The following OVCH1 variants were observed in gnomAD, a reference collection of about 807,000 sequenced individuals.
OVCH1 encodes ovochymase-1.
A neutral mutation model predicts 138.4 loss-of-function variants in OVCH1; 139 were observed. That is an observed-to-expected ratio of 1.00 (90% CI 0.87 to 1.16). The LOEUF is 1.16. Among genes scored for constraint, OVCH1 ranks in the 50% most tolerant of loss-of-function variants. The pLI is 0.00. For synonymous variants in OVCH1, 453 were observed against 467.8 expected (o/e 0.97, Z 0.41); for missense variants, 1,367 against 1,357.9 (o/e 1.01, Z -0.11).
chr12:29,433,694 T>C (rs771688311), intron 27 of OVCH1: 110 of 1,383,660 alleles, frequency 7.9e-5, no homozygotes, highest in Non-Finnish European at 1.0e-4. Flanking sequence ...TGAATAATTC[T>C]CGGTTTAAAT....
At chr12:29,434,748 G>T (rs916517903) in intron 26 of OVCH1, among the ~76,000 whole-genome samples, 1 of 151,834 alleles carries the variant, frequency 6.6e-6, no homozygotes, top group Non-Finnish European at 1.5e-5. Context: ...TCAAGACAAA[G>T]ATTATTGAGC....
In OVCH1 at chr12:29,462,488, C is replaced by T. The variant is rs541091584; in HGVS notation, c.2126-480G>A. ...GTTCTTCATCTACTGTCATTGAAGCCTAATCGCATCTCCAATTAAAGATAA... is the reference window on the plus strand; with the variant it reads ...GTTCTTCATCTACTGTCATTGAAGCTTAATCGCATCTCCAATTAAAGATAA... On this transcript the variant is annotated intron_variant, in intron 18 of 27. Coordinates refer to ENST00000318184, the Ensembl canonical transcript of OVCH1. Among the ~76,000 whole-genome samples the T allele has an allele frequency of 5.3e-4, 80 of 150,482 alleles. 3 individuals are homozygous for T. The South Asian group carries it at 0.016, about 30-fold the overall frequency.
At chr12:29,483,558 A>T (rs1323453655) in intron 8 of OVCH1, among the ~76,000 whole-genome samples, 1 of 152,124 alleles carries the variant, frequency 6.6e-6, no homozygotes, top group African/African-American at 2.4e-5. Context: ...CTCTGCATGG[A>T]ACTCAAGGTC....
At chr12:29,465,293 G>T in intron 16 of OVCH1, 74 bp from the exon 17 acceptor site, 1 of 1,246,110 alleles carries the variant, frequency 8.0e-7, no homozygotes, top group South Asian at 1.4e-5. Context: ...CTGCTATAAA[G>T]GACTCTGAGA....
chr12:29,458,464 C>G (rs557204291), intron 19 of OVCH1, among the ~76,000 whole-genome samples: 1 of 152,088 alleles, frequency 6.6e-6, no homozygotes, highest in South Asian at 2.1e-4. Flanking sequence ...GAAAGTAGTT[C>G]CCTATTCCTC....
chr12:29,485,609 CT>C (rs1292444269), intron 8 of OVCH1, among the ~76,000 whole-genome samples: 1 of 152,004 alleles, frequency 6.6e-6, no homozygotes, highest in Non-Finnish European at 1.5e-5. Flanking sequence ...CACGTCTCTA[CT>C]AAAAATGCAA....
chr12:29,454,659 G>A (rs1592059294), intron 21 of OVCH1, among the ~76,000 whole-genome samples, 182 bp downstream of exon 21: 1 of 152,052 alleles, frequency 6.6e-6, no homozygotes, highest in African/African-American at 2.4e-5. Context: ...TCTAGCTTTG[G>A]GGTAGGAATG....
At chr12:29,427,755 A>T (rs1195736619) in intron 27 of OVCH1, 1 of 1,440,244 alleles carries the variant, frequency 6.9e-7, no homozygotes. Flanking sequence ...GGAGAGTAGC[A>T]ACAGGGGTCT....
chr12:29,405,028 A>AAAAAAAAAAAAC, the OVCH1 span, among the ~76,000 whole-genome samples: 1 of 80,036 alleles, frequency 1.2e-5, no homozygotes, highest in African/African-American at 5.0e-5. Context: ...CCTCAAAAAA[A>AAAAAAAAAAAAC]AAAAAAAAAA....
In OVCH1 at chr12:29,438,354, A is replaced by G. The variant is rs1592038582; in HGVS notation, c.3264+974T>C. On this transcript the variant is annotated intron_variant, in intron 26 of 27. Transcript: ENST00000318184. ...GTTTTAGAGTATACTTTAATATCTG[A>G]TAGAGCAATTCTACCTTAACCATTT... Among the ~76,000 whole-genome samples the G allele has an allele frequency of 2.0e-5, 3 of 152,210 alleles. No individual in the cohort carries two copies. In the South Asian group the frequency reaches 6.2e-4, roughly 32 times the overall value.
chr12:29,402,314 C>T, the OVCH1 span, among the ~76,000 whole-genome samples: 1 of 152,138 alleles, frequency 6.6e-6, no homozygotes, highest in African/African-American at 2.4e-5. Flanking sequence ...TTCATTTTTC[C>T]TCAGTGTTCC....
chr12:29,425,411 A>G (rs945812445), downstream of OVCH1, among the ~76,000 whole-genome samples: 1 of 152,222 alleles, frequency 6.6e-6, no homozygotes, highest in Admixed American at 6.5e-5. Flanking sequence ...AATCCAAAAC[A>G]TATAATGCTC....
chr12:29,456,921 A>G (rs1186221931), intron 19 of OVCH1, among the ~76,000 whole-genome samples: 1 of 152,236 alleles, frequency 6.6e-6, no homozygotes, highest in African/African-American at 2.4e-5. Context: ...TTTTGCAGGA[A>G]GTGGATGAAC....
intron 3 of OVCH1, among the ~76,000 whole-genome samples, chr12:29,415,277 T>C (rs1220293948): frequency 6.6e-6 from 1 of 152,106 alleles, no homozygotes. Flanking sequence ...GGGGGAACGT[T>C]TGTAATGACG....
At chr12:29,407,521 A>G (rs994163554), downstream of OVCH1, among the ~76,000 whole-genome samples, 7 of 150,028 alleles carry the variant, frequency 4.7e-5, 1 homozygote, top group Admixed American at 2.0e-4. Context: ...AGCTTTCTCC[A>G]TATGGCTAGC....
chr12:29,486,787 A>T (rs1943120632), intron 7 of OVCH1: 4 of 376,518 alleles, frequency 1.1e-5, no homozygotes, highest in Non-Finnish European at 1.1e-5. Flanking sequence ...TTTCACTGAA[A>T]TGAACCATTA....
At chr12:29,462,062 G>A (rs1262352160) in intron 18 of OVCH1, 54 bp from the exon 19 acceptor site, 1 of 1,560,088 alleles carries the variant, frequency 6.4e-7, no homozygotes, top group African/African-American at 1.4e-5. Flanking sequence ...AGAAAGTGTT[G>A]TTAGAAATGT....
chr12:29,468,145 G>GTT (rs1283443713), intron 16 of OVCH1, among the ~76,000 whole-genome samples: 4 of 152,076 alleles, frequency 2.6e-5, no homozygotes, highest in Non-Finnish European at 4.4e-5. Context: ...ATGCATGTAC[G>GTT]TTTAAATATT....
intron 8 of OVCH1, among the ~76,000 whole-genome samples, chr12:29,481,377 T>C (rs55937303): frequency 0.08 from 12,246 of 152,204 alleles, 498 homozygotes; most frequent in African/African-American, 0.086. Flanking sequence ...AAATAGATGC[T>C]AATACTCATT....
Sources: allele counts gnomAD v4.1 joint callset (sites outside exome capture counted in the v4.1 genomes callset), GRCh38; gene constraint gnomAD v4.1.1; transcripts MANE v1.5; gene names NCBI Gene and HGNC (gene_info 2026-07-23, HGNC 2026-07-21).